Variants in FABP12 observed in about 807,000 individuals in gnomAD.
The protein encoded by FABP12 is fatty acid binding protein 12, also known as fatty acid-binding protein 12.
FABP12 carries 19 observed loss-of-function variants against 13.7 expected under a neutral mutation model. The ratio of observed to expected loss-of-function variants is 1.39; its 90% CI spans 0.97 to 2.04. The LOEUF is 2.04. Ranked by LOEUF, FABP12 falls within the 30% of genes most tolerant of loss-of-function variation. The pLI is 0.00. For missense variants in FABP12, 182 were observed against 164.2 expected (o/e 1.11, Z -0.59); for synonymous variants, 61 against 57.0 (o/e 1.07, Z -0.32).
intron 1 of FABP12, among the ~76,000 whole-genome samples, chr8:81,550,430 G>T (rs1445692487): frequency 6.6e-6 from 1 of 152,170 alleles, no homozygotes; most frequent in Non-Finnish European, 1.5e-5. Context: ...ACTTTCATGA[G>T]TGGAGATTCT....
chr8:81,549,739 T>A (rs1418695570), intron 1 of FABP12, among the ~76,000 whole-genome samples: 1 of 152,200 alleles, frequency 6.6e-6, no homozygotes, highest in East Asian at 1.9e-4. Flanking sequence ...TTTTGTGAGA[T>A]GTTAAATCTG....
intron 1 of FABP12, among the ~76,000 whole-genome samples, chr8:81,574,046 T>C (rs1302601797): frequency 6.6e-6 from 1 of 152,212 alleles, no homozygotes; most frequent in African/African-American, 2.4e-5. Flanking sequence ...TCAGAGGAAA[T>C]GTTTTCAACT....
chr8:81,562,059 A>G (rs1229661228), intron 1 of FABP12, among the ~76,000 whole-genome samples: 1 of 152,142 alleles, frequency 6.6e-6, no homozygotes, highest in Non-Finnish European at 1.5e-5. Context: ...AGGAGAGGGG[A>G]GAATAAAGAA....
At chr8:81,559,876 C>T (rs1809690728) in intron 1 of FABP12, among the ~76,000 whole-genome samples, 1 of 152,178 alleles carries the variant, frequency 6.6e-6, no homozygotes, top group African/African-American at 2.4e-5. Context: ...CATTTCTGAA[C>T]TACTGAACCA....
intron 1 of FABP12, among the ~76,000 whole-genome samples, chr8:81,568,782 G>GAAT (rs1401305660): frequency 6.6e-6 from 1 of 152,154 alleles, no homozygotes; most frequent in African/African-American, 2.4e-5. Context: ...ATACACAATG[G>GAAT]AATACTAAGA....
intron 1 of FABP12, among the ~76,000 whole-genome samples, chr8:81,545,322 G>T (rs961912243): frequency 1.3e-5 from 2 of 152,100 alleles, no homozygotes; most frequent in Admixed American, 1.3e-4. Flanking sequence ...GGAAACAAGG[G>T]GATTTTTTCA....
chr8:81,562,124 G>T (rs917661267), intron 1 of FABP12, among the ~76,000 whole-genome samples: 2 of 152,134 alleles, frequency 1.3e-5, no homozygotes, highest in Non-Finnish European at 2.9e-5. Flanking sequence ...AGGGCATCAG[G>T]CAAAGTCCTG....
chr8:81,553,763 T>C (rs1809563133), intron 1 of FABP12, among the ~76,000 whole-genome samples: 2 of 152,242 alleles, frequency 1.3e-5, no homozygotes, highest in African/African-American at 4.8e-5. Flanking sequence ...AAAGACCATG[T>C]TACTTTTGTA....
chr8:81,553,292 T>C (rs747436954), intron 1 of FABP12, among the ~76,000 whole-genome samples: 1 of 152,176 alleles, frequency 6.6e-6, no homozygotes, highest in Non-Finnish European at 1.5e-5. Context: ...ATCTATAATT[T>C]CTCAAAATCC....
intron 1 of FABP12, among the ~76,000 whole-genome samples, chr8:81,541,477 G>A (rs74841202): frequency 0.094 from 14,298 of 152,060 alleles, 763 homozygotes; most frequent in Non-Finnish European, 0.12. Context: ...AGACCCCCAC[G>A]CTCAATTTGC....
rs535935110 is a variant in FABP12, at chr8:81,588,620, T to G, written c.-185+1433A>C. The stretch of plus-strand genomic sequence containing the variant: ...AAGGCTAATTTGACTTTTTCTTTTA[T>G]AGTTTGGATGCCCCTTTATTACTTT... On this transcript the variant is annotated intron_variant, in intron 1 of 5. Coordinates refer to the FABP12 transcript ENST00000692030. Among the ~76,000 whole-genome samples the G allele has an allele frequency of 3.9e-5, 6 of 152,322 alleles. No individual in the cohort carries two copies. The South Asian group carries it at 1.0e-3, about 26-fold the overall frequency.
rs938379268 is a variant in FABP12 at position 81,531,235 on chromosome 8, T to G, written c.73+8A>C. 3 of 1,599,830 alleles carry G rather than the reference T, an allele frequency of 1.9e-6. No individual in the cohort carries two copies. The African/African-American group carries it at 4.0e-5, about 21-fold the overall frequency. On this transcript the variant is annotated splice_region_variant and intron_variant, in intron 2 of 4. Coordinates refer to ENST00000360464, the Ensembl canonical transcript of FABP12. ...ACTGGATATGATATGCAAGTAAACA[T>G]AGCTCACCCAGCTCCTTCATGTAGT...
chr8:81,549,445 G>A (rs763197741), intron 1 of FABP12, among the ~76,000 whole-genome samples: 5 of 152,210 alleles, frequency 3.3e-5, no homozygotes, highest in African/African-American at 7.2e-5. Context: ...TGTTGCCTTC[G>A]CCACTCACAG....
At chr8:81,529,656 A>G in intron 2 of FABP12, 46 bp from the exon 3 acceptor site, 1 of 1,494,466 alleles carries the variant, frequency 6.7e-7, no homozygotes, top group Non-Finnish European at 9.2e-7. Context: ...ATAAAGAATT[A>G]CAAATACATT....
At chr8:81,562,419 T>C (rs79891582) in intron 1 of FABP12, among the ~76,000 whole-genome samples, 4,028 of 152,180 alleles carry the variant, frequency 0.026, 172 homozygotes, top group African/African-American at 0.093. Flanking sequence ...CTTCGTCTTG[T>C]AGCTTACCTA....
intron 1 of FABP12, among the ~76,000 whole-genome samples, chr8:81,543,959 A>G (rs1809394479): frequency 6.6e-6 from 1 of 152,188 alleles, no homozygotes; most frequent in South Asian, 2.1e-4. Flanking sequence ...ACAGGTTAGT[A>G]CATTTACAGT....
At chr8:81,565,031 A>G (rs1028839197) in intron 1 of FABP12, among the ~76,000 whole-genome samples, 5 of 152,090 alleles carry the variant, frequency 3.3e-5, no homozygotes, top group African/African-American at 1.2e-4. Flanking sequence ...GAGCAGGAAA[A>G]GCTATAATCA....
At chr8:81,550,232 A>G (rs1385457457) in intron 1 of FABP12, among the ~76,000 whole-genome samples, 1 of 152,210 alleles carries the variant, frequency 6.6e-6, no homozygotes, top group Non-Finnish European at 1.5e-5. Flanking sequence ...GATCAAGACA[A>G]AAGATACAAC....
chr8:81,539,350 A>C (rs1039302462), intron 2 of FABP12, among the ~76,000 whole-genome samples: 21 of 149,078 alleles, frequency 1.4e-4, no homozygotes, highest in Non-Finnish European at 2.7e-4. Context: ...AATAATAATT[A>C]TAATAATTAT....
Sources: gnomAD v4.1 joint callset for allele counts (sites outside exome capture counted in the v4.1 genomes callset) on GRCh38, gnomAD v4.1.1 for gene constraint, MANE v1.5 for transcripts, NCBI Gene and HGNC (gene_info 2026-07-23, HGNC 2026-07-21) for gene names.